The following STXBP2 variants were observed in gnomAD, a reference collection of about 807,000 sequenced individuals.
STXBP2 encodes syntaxin binding protein 2.
A neutral mutation model predicts 72.2 loss-of-function variants in STXBP2; 47 were observed. The ratio of observed to expected loss-of-function variants is 0.65; its 90% CI spans 0.51 to 0.83. The LOEUF is 0.83. STXBP2 is among the 40% of genes least tolerant of loss of function. The pLI, the probability that STXBP2 is intolerant of heterozygous loss-of-function variation, is 0.00. For missense variants in STXBP2, 702 were observed against 807.6 expected (o/e 0.87, Z 1.58); for synonymous variants, 367 against 338.7 (o/e 1.08, Z -0.92).
At chr19:7,641,919 T>G (rs1228792417) in intron 7 of STXBP2, 66 bp downstream of exon 7, 2 of 1,401,920 alleles carry the variant, frequency 1.4e-6, no homozygotes, top group Non-Finnish European at 9.6e-7. Context: ...CACCTAACCT[T>G]TAACCTCTCT....
At chr19:7,632,290 C>G (rs1274170614), upstream of STXBP2, 2 of 1,528,836 alleles carry the variant, frequency 1.3e-6, no homozygotes, top group African/African-American at 2.7e-5. The surrounding 1 kb of genome is among the most constrained non-coding windows in gnomAD (Gnocchi z 5.2). Flanking sequence ...AGCGGATGGA[C>G]AGAGATGGGG....
At chr19:7,637,659 A>G (rs1448842560) in intron 1 of STXBP2, among the ~76,000 whole-genome samples, 1 of 151,936 alleles carries the variant, frequency 6.6e-6, no homozygotes, top group Non-Finnish European at 1.5e-5. Flanking sequence ...TCCTTGCCCC[A>G]TTTCCAGGAG....
intron 14 of STXBP2, 199 bp downstream of exon 14, chr19:7,644,951 A>G (rs558011564): frequency 2.8e-6 from 4 of 1,448,828 alleles, no homozygotes; most frequent in East Asian, 5.0e-5. Context: ...GCTCCCTGCT[A>G]ACGTAGAAAC....
upstream of STXBP2, chr19:7,632,693 A>G: frequency 2.6e-6 from 4 of 1,549,516 alleles, no homozygotes; most frequent in Non-Finnish European, 3.5e-6. The surrounding 1 kb of genome is among the most constrained non-coding windows in gnomAD (Gnocchi z 5.2). Flanking sequence ...CCCCATGGAC[A>G]GCACCCCCGT....
At chr19:7,634,674 A>C (rs993848460), upstream of STXBP2, among the ~76,000 whole-genome samples, 1 of 151,848 alleles carries the variant, frequency 6.6e-6, no homozygotes, top group Non-Finnish European at 1.5e-5. Context: ...TGAGCCTTTA[A>C]AATTTTTTTT....
chr19:7,639,998 GTC>G (rs750871629), intron 4 of STXBP2, 191 bp downstream of exon 4: 9 of 712,434 alleles, frequency 1.3e-5, no homozygotes, highest in African/African-American at 7.1e-5. Context: ...TTGCATGTGT[GTC>G]TATGTATGTG....
chr19:7,641,980 C>A, intron 7 of STXBP2, 54 bp from the exon 8 acceptor site: 1 of 1,610,622 alleles, frequency 6.2e-7, no homozygotes, highest in Admixed American at 1.7e-5. Flanking sequence ...ACCTTCAAAC[C>A]CATCCTTGAC....
the STXBP2 span, chr19:7,631,250 G>GAAA: frequency 7.1e-7 from 1 of 1,415,188 alleles, no homozygotes; most frequent in Non-Finnish European, 9.2e-7. Context: ...AAGGAACCGA[G>GAAA]AGCAGAGGAG....
intron 3 of STXBP2, chr19:7,639,346 T>G (rs2146207263): frequency 4.8e-6 from 3 of 620,154 alleles, no homozygotes; most frequent in Middle Eastern, 8.6e-4. Context: ...AGCCCCTTCC[T>G]GACCGTGCAG....
At chr19:7,639,866 G>A (rs1192638080) in intron 4 of STXBP2, 59 bp downstream of exon 4, 3 of 1,550,412 alleles carry the variant, frequency 1.9e-6, no homozygotes, top group South Asian at 1.1e-5. Flanking sequence ...GTGCATGTGT[G>A]TGTATGTCTG....
chr19:7,641,716 C>T lies in STXBP2; in HGVS notation c.441C>T (p.Leu147=), dbSNP rs749948057. The change falls in exon 7 of 19, where the codon CTC becomes CTT. Residue 147 remains leucine (L), a synonymous_variant. Coordinates refer to ENST00000221283, the MANE Select transcript of STXBP2 (RefSeq NM_006949.4). ...FLPYEAQVFS[L]DAPHSTYNLY... is the part of the protein sequence containing the mutation. The stretch of plus-strand genomic sequence containing the variant: ...CCCTCCTCGCCCAGGTGTTCTCCCT[C>T]GATGCTCCCCACAGCACCTACAACC... 10 of 1,554,032 alleles carry T rather than the reference C, an allele frequency of 6.4e-6. No homozygotes were observed. The highest frequency in any genetic ancestry group is 2.4e-5 in the East Asian group (1 of 41,388).
upstream of STXBP2, chr19:7,631,900 C>G (rs1056332821): frequency 2.5e-6 from 3 of 1,218,214 alleles, no homozygotes; most frequent in Non-Finnish European, 3.2e-6. Context: ...AGGTAGCCAC[C>G]GTGTCCCACC....
upstream of STXBP2, among the ~76,000 whole-genome samples, chr19:7,635,014 T>C (rs1432543524): frequency 6.6e-6 from 1 of 152,268 alleles, no homozygotes; most frequent in African/African-American, 2.4e-5. Flanking sequence ...TACTCCAGTG[T>C]GACCTCATGC....
intron 16 of STXBP2, 187 bp downstream of exon 16, chr19:7,646,531 G>A (rs1014209443): frequency 2.0e-4 from 135 of 672,080 alleles, no homozygotes; most frequent in Admixed American, 1.9e-4. Flanking sequence ...GGGTGACAGC[G>A]GGGCCTGTGC....
Position 7,642,742 on chromosome 19 carries a change from AC to A in STXBP2, c.903-19del, listed in dbSNP as rs1169450604. On this transcript the variant is annotated intron_variant, in intron 10 of 18. Coordinates refer to ENST00000221283, the MANE Select transcript of STXBP2 (RefSeq NM_006949.4). The surrounding 1 kb of genome is among the most constrained non-coding windows in gnomAD (Gnocchi z 6.0). ...CTGTGGCTCCTCTCCCCTCACTCTCACCCCCGCCCACCCTCATGGCCAGGAA... is the reference window on the plus strand; with the variant it reads ...CTGTGGCTCCTCTCCCCTCACTCTCACCCCGCCCACCCTCATGGCCAGGAA... The A allele has an allele frequency of 2.5e-6, 4 of 1,607,484 alleles. No individual in the cohort carries two copies. The highest frequency in any genetic ancestry group is 1.1e-5 in the South Asian group (1 of 90,754).
At chr19:7,641,105 C>A in intron 6 of STXBP2, 102 bp downstream of exon 6, 1 of 1,256,086 alleles carries the variant, frequency 8.0e-7, no homozygotes, top group Non-Finnish European at 1.1e-6. Context: ...TGGCTCATAC[C>A]TGTAATCCCA....
chr19:7,645,335 C>A (rs1342691337), intron 15 of STXBP2, 29 bp downstream of exon 15: 1 of 1,552,742 alleles, frequency 6.4e-7, no homozygotes, highest in South Asian at 1.2e-5. Context: ...TGGGGGGACC[C>A]TGGGAGAGGG....
In STXBP2 at chr19:7,642,745, C is replaced by G. The variant is rs1460756540; in HGVS notation, c.903-21C>G. On this transcript the variant is annotated intron_variant, in intron 10 of 18. Transcript: ENST00000221283. The surrounding 1 kb of genome is among the most constrained non-coding windows in gnomAD (Gnocchi z 6.0). ...TGGCTCCTCTCCCCTCACTCTCACC[C>G]CCGCCCACCCTCATGGCCAGGAAGG... is the stretch of plus-strand genomic sequence containing the variant. The G allele has an allele frequency of 3.1e-6, 5 of 1,613,178 alleles. No individual in the cohort carries two copies. The highest frequency in any genetic ancestry group is 4.2e-6 in the Non-Finnish European group (5 of 1,179,756).
In STXBP2 at chr19:7,637,164, G is replaced by A; in HGVS notation, c.15G>A (p.Gly5=). The A allele has an allele frequency of 8.0e-7, 1 of 1,242,654 alleles. No individual in the cohort carries two copies. Among genetic ancestry groups the A allele is most frequent in the Middle Eastern group, 2.4e-4 (1 of 4,244 alleles). 77.0% of individuals were successfully genotyped at this position (1,242,654 alleles called of 1,614,324 possible). A position where few individuals can be genotyped will look rare whatever the true frequency, so the allele number is the denominator to read the frequency against. The change falls in exon 1 of 19, where the codon GGG becomes GGA. Residue 5 remains glycine (G), a synonymous_variant. Transcript: ENST00000221283. ...CCTCGGGGAAGATGGCGCCCTCGGG[G>A]CTGAAGGCGGTGGTGGGGGAAAGTG... MAPS[G]LKAVVGEKIL... is the part of the protein sequence containing the mutation.
Sources: gnomAD v4.1 joint callset for allele counts (sites outside exome capture counted in the v4.1 genomes callset) on GRCh38, gnomAD v4.1.1 for gene constraint, Gnocchi (gnomAD v3.1) non-coding constraint, MANE v1.5 for transcripts, NCBI Gene and HGNC (gene_info 2026-07-23, HGNC 2026-07-21) for gene names.